The following GUCY1A2 variants were observed in gnomAD, a reference collection of about 807,000 sequenced individuals.
GUCY1A2 encodes the protein guanylate cyclase soluble subunit alpha-2.
A neutral mutation model predicts 63.5 loss-of-function variants in GUCY1A2; 27 were observed. That is an observed-to-expected ratio of 0.43 (90% CI 0.31 to 0.59). GUCY1A2 has a LOEUF of 0.59. Ranked by LOEUF, GUCY1A2 falls within the 20% of genes least tolerant of loss-of-function variation. GUCY1A2 has a pLI of 0.11. For missense variants in GUCY1A2, 768 were observed against 913.3 expected (o/e 0.84, Z 2.05); for synonymous variants, 364 against 343.5 (o/e 1.06, Z -0.66).
chr11:106,963,056 G>A (rs1861080391), intron 3 of GUCY1A2, among the ~76,000 whole-genome samples: 1 of 152,042 alleles, frequency 6.6e-6, no homozygotes, highest in African/African-American at 2.4e-5. Flanking sequence ...AAGATCCTGT[G>A]TAACTAATTC....
chr11:106,992,969 T>C (rs1276587052), intron 1 of GUCY1A2, among the ~76,000 whole-genome samples: 1 of 152,152 alleles, frequency 6.6e-6, no homozygotes, highest in Non-Finnish European at 1.5e-5. Flanking sequence ...GCATATTCCC[T>C]TTCTTTCCCT....
chr11:107,012,371 C>T (rs953098476), intron 1 of GUCY1A2, among the ~76,000 whole-genome samples: 1 of 151,260 alleles, frequency 6.6e-6, no homozygotes, highest in Non-Finnish European at 1.5e-5. Flanking sequence ...AAATTTAGAT[C>T]ACTTTGAGGC....
chr11:106,745,823 A>G (rs906571010), intron 6 of GUCY1A2, among the ~76,000 whole-genome samples: 12 of 152,174 alleles, frequency 7.9e-5, no homozygotes, highest in African/African-American at 2.9e-4. Flanking sequence ...AAATCCTACT[A>G]TAGTTCTGTG....
chr11:106,911,931 T>A (rs1860300893), intron 4 of GUCY1A2, among the ~76,000 whole-genome samples: 1 of 152,046 alleles, frequency 6.6e-6, no homozygotes, highest in South Asian at 2.1e-4. Flanking sequence ...ATCACTTGCA[T>A]CCAATTGTTT....
chr11:106,932,373 C>T (rs913000766), intron 4 of GUCY1A2, among the ~76,000 whole-genome samples: 1 of 143,008 alleles, frequency 7.0e-6, no homozygotes, highest in African/African-American at 3.0e-5. Flanking sequence ...TGCCATTAAG[C>T]CTCCTGTGTG....
intron 6 of GUCY1A2, among the ~76,000 whole-genome samples, chr11:106,773,581 C>T (rs1864297098): frequency 6.6e-6 from 1 of 152,184 alleles, no homozygotes; most frequent in Non-Finnish European, 1.5e-5. Context: ...AAAAGTTAAA[C>T]TTTACCAGGT....
intron 3 of GUCY1A2, among the ~76,000 whole-genome samples, chr11:106,948,989 A>C (rs1031427482): frequency 1.3e-5 from 2 of 152,202 alleles, no homozygotes; most frequent in Non-Finnish European, 2.9e-5. Context: ...AACATATAAA[A>C]AAGATGTAAA....
rs779039637 is a variant in GUCY1A2 at position 106,939,659 on chromosome 11, C to G, written c.1007G>C (p.Ser336Thr). The G allele has an allele frequency of 1.2e-6, 2 of 1,613,904 alleles. No individual in the cohort carries two copies. The highest frequency in any genetic ancestry group is 2.2e-5 in the East Asian group (1 of 44,872). The change falls in exon 4 of 8, where the codon AGC becomes ACC. Residue 336 changes from serine to threonine, a missense_variant. Ser to Thr is a moderately conservative substitution (Grantham distance 58). Around this residue, in one of 3 missense-constraint regions of GUCY1A2, gnomAD observed 496 missense variants for 486.9 expected, o/e 1.02. Coordinates refer to ENST00000526355, the MANE Select transcript of GUCY1A2 (RefSeq NM_000855.3). Reference protein sequence around the residue: ...AFPFHLMFDPSMSVLQLGEGL... With the variant: ...AFPFHLMFDPTMSVLQLGEGL... ...TTCCCCCAACTGAAGGACTGACATG[C>G]TGGGATCAAACATCAAGTGGAAAGG...
At chr11:106,906,414 G>A (rs1464367224) in intron 4 of GUCY1A2, among the ~76,000 whole-genome samples, 3 of 152,176 alleles carry the variant, frequency 2.0e-5, no homozygotes, top group African/African-American at 7.2e-5. Flanking sequence ...CAGTTAGAAT[G>A]GTGATCATTA....
At chr11:106,779,540 T>C (rs2135404657) in intron 5 of GUCY1A2, among the ~76,000 whole-genome samples, 1 of 152,334 alleles carries the variant, frequency 6.6e-6, no homozygotes, top group African/African-American at 2.4e-5. Flanking sequence ...GTAAATTGCC[T>C]GCACAAATCA....
rs564384843 is a variant in GUCY1A2 at position 106,791,546 on chromosome 11, A to G, written c.1693-14964T>C. On this transcript the variant is annotated intron_variant, in intron 5 of 7. Transcript: ENST00000526355. ...TGGTGTCCCTGTGAAGGAGACAGTC[A>G]GTGGAAACTTCTGTTCTTCCATCTT... 1.7e-3 allele frequency among the ~76,000 whole-genome samples: 253 copies of G among 148,026 alleles called. 1 individual carries two copies. Among genetic ancestry groups the G allele is most frequent in the Middle Eastern group, 3.5e-3 (1 of 286 alleles).
chr11:106,775,560 T>C (rs887291907), intron 6 of GUCY1A2, among the ~76,000 whole-genome samples: 1 of 152,116 alleles, frequency 6.6e-6, no homozygotes, highest in African/African-American at 2.4e-5. Flanking sequence ...CTAATAGTTT[T>C]TTAAAAATAT....
chr11:106,703,543 C>G (rs1313763988), intron 7 of GUCY1A2, among the ~76,000 whole-genome samples: 3 of 151,842 alleles, frequency 2.0e-5, no homozygotes, highest in Non-Finnish European at 2.9e-5. Flanking sequence ...GAAGAAGGTT[C>G]TGAACAGAGG....
intron 1 of GUCY1A2, among the ~76,000 whole-genome samples, chr11:107,008,284 A>C (rs1405620039): frequency 1.3e-5 from 1 of 79,124 alleles, no homozygotes; most frequent in Non-Finnish European, 3.5e-5. Flanking sequence ...ATCTCAAAAA[A>C]AAAAAAAAAA....
At chr11:106,852,970 C>G (rs1859376655) in intron 4 of GUCY1A2, among the ~76,000 whole-genome samples, 1 of 152,076 alleles carries the variant, frequency 6.6e-6, no homozygotes, top group African/African-American at 2.4e-5. Context: ...AGATCATTCT[C>G]TTTTCTCTTG....
intron 4 of GUCY1A2, among the ~76,000 whole-genome samples, chr11:106,847,257 T>A (rs895789335): frequency 6.2e-5 from 9 of 145,186 alleles, no homozygotes; most frequent in Non-Finnish European, 9.3e-5. Flanking sequence ...TATATATATA[T>A]AAAAAATTGT....
chr11:106,858,874 CATA>C (rs1315970605), intron 4 of GUCY1A2, among the ~76,000 whole-genome samples: 1 of 151,958 alleles, frequency 6.6e-6, no homozygotes, highest in African/African-American at 2.4e-5. Flanking sequence ...AACCTGAGAA[CATA>C]ATAAGAAATA....
In GUCY1A2 at chr11:106,698,119, A is replaced by ATTTTTT. The variant is rs71470827; in HGVS notation, c.1992-10369_1992-10364dup. On this transcript the variant is annotated intron_variant, in intron 7 of 7. Transcript: ENST00000526355. ...TTTACAGCTTTCACTGAATGTTAGAATTTTTTTTTTTTTTTTTTTAGACAG... is the reference window on the plus strand; with the variant it reads ...TTTACAGCTTTCACTGAATGTTAGAATTTTTTTTTTTTTTTTTTTTTTTTTAGACAG... Among the ~76,000 whole-genome samples, 360 of 100,464 alleles carry ATTTTTT rather than the reference A, an allele frequency of 3.6e-3. 57 individuals carry two copies. The highest frequency in any genetic ancestry group is 0.012 in the African/African-American group (253 of 21,774). 65.9% of individuals were successfully genotyped at this position (100,464 alleles called of 152,430 possible).
intron 1 of GUCY1A2, among the ~76,000 whole-genome samples, chr11:107,014,779 C>A (rs1216459334): frequency 6.6e-6 from 1 of 152,120 alleles, no homozygotes; most frequent in African/African-American, 2.4e-5. Flanking sequence ...AAAACAGGAG[C>A]TTCCATGGCA....
Sources: gnomAD v4.1 joint callset for allele counts (sites outside exome capture counted in the v4.1 genomes callset) on GRCh38, gnomAD v4.1.1 for gene constraint, gnomAD v4.1.1 regional missense constraint, MANE v1.5 for transcripts, NCBI Gene and HGNC (gene_info 2026-07-23, HGNC 2026-07-21) for gene names.